The following HMGCL variants were observed in gnomAD, a reference collection of about 807,000 sequenced individuals.
HMGCL encodes the protein 3-hydroxy-3-methylglutaryl-CoA lyase, also known as hydroxymethylglutaryl-CoA lyase, mitochondrial.
A neutral mutation model predicts 37.3 loss-of-function variants in HMGCL; 26 were observed. The ratio of observed to expected loss-of-function variants is 0.70; its 90% CI spans 0.51 to 0.97. The LOEUF (loss-of-function observed/expected upper bound fraction) is 0.97, where lower values mean the gene tolerates loss of function less well. Ranked by LOEUF, HMGCL falls within the 50% of genes least tolerant of loss-of-function variation. The pLI is 0.00. For synonymous variants in HMGCL, 151 were observed against 148.0 expected (o/e 1.02, Z -0.15); for missense variants, 379 against 398.1 (o/e 0.95, Z 0.41).
Position 23,817,504 on chromosome 1 carries a change from C to T in HMGCL, c.224G>A (p.Ser75Asn), listed in dbSNP as rs765840549. The change falls in exon 3 of 9, where the codon AGC becomes AAC. Residue 75 changes from serine to asparagine, a missense_variant. Coordinates refer to ENST00000374490, the MANE Select transcript of HMGCL (RefSeq NM_000191.3). ...EAGLSVIETT[S>N]FVSPKWVPQM... ...GGGAACCCACTTAGGAGACACAAAG[C>T]TGGTGGTTTCTATAACAGAGAGTCC... The T allele has an allele frequency of 6.2e-7, 1 of 1,612,868 alleles. No homozygotes were observed. Among genetic ancestry groups the T allele is most frequent in the South Asian group, 1.1e-5 (1 of 91,066 alleles).
rs193174501 is a variant in HMGCL, at chr1:23,803,263, G to A, written c.877-699C>T. Among the ~76,000 whole-genome samples the A allele has an allele frequency of 2.7e-3, 414 of 150,872 alleles. 2 individuals are homozygous for A. Among genetic ancestry groups the A allele is most frequent in the African/African-American group, 8.8e-3 (361 of 41,060 alleles). On this transcript the variant is annotated intron_variant, in intron 8 of 8. Transcript: ENST00000374490. ...TGTCGCCAGGCTGGAGTACAGTGGC[G>A]TGATCTTGGCTCACTGCAACCTCTG...
intron 6 of HMGCL, chr1:23,810,513 T>G (rs942185814): frequency 1.3e-4 from 68 of 534,176 alleles, no homozygotes; most frequent in Non-Finnish European, 2.1e-4. Flanking sequence ...GTTTTCAGGC[T>G]GGATAGAGGC....
chr1:23,820,666 G>T, intron 1 of HMGCL, 73 bp from the exon 2 acceptor site: 1 of 932,012 alleles, frequency 1.1e-6, no homozygotes, highest in Non-Finnish European at 1.8e-6. Context: ...CAATATGAAA[G>T]AATGGATCTA....
intron 5 of HMGCL, 51 bp from the exon 6 acceptor site, chr1:23,810,850 A>G (rs1453001168): frequency 1.4e-6 from 2 of 1,450,670 alleles, no homozygotes; most frequent in African/African-American, 2.8e-5. Flanking sequence ...CTTTTTGGCT[A>G]GCAGAACTGA....
chr1:23,821,643 A>G (rs1164416238), intron 1 of HMGCL, among the ~76,000 whole-genome samples: 1 of 152,008 alleles, frequency 6.6e-6, no homozygotes, highest in Non-Finnish European at 1.5e-5. Context: ...TGGGCAACAG[A>G]GCGAGACCCT....
Position 23,802,220 on chromosome 1 carries a change from C to T in HMGCL, c.*243G>A, listed in dbSNP as rs1638292512. 5 of 600,566 alleles carry T rather than the reference C, an allele frequency of 8.3e-6. No homozygotes were observed. The highest frequency in any genetic ancestry group is 4.1e-5 in the South Asian group (2 of 48,880). 37.2% of individuals were successfully genotyped at this position (600,566 alleles called of 1,614,324 possible). On this transcript the variant is annotated 3_prime_UTR_variant, in exon 9 of 9. Coordinates refer to ENST00000374490, the MANE Select transcript of HMGCL (RefSeq NM_000191.3). ...GGCATTCAACTCCTGGGCCAGGGTCCGTAACAAAGGGAGACTTCAGCCCTC... is the reference window on the plus strand; with the variant it reads ...GGCATTCAACTCCTGGGCCAGGGTCTGTAACAAAGGGAGACTTCAGCCCTC...
At chr1:23,812,935 G>T (rs1406054971) in intron 5 of HMGCL, among the ~76,000 whole-genome samples, 1 of 152,056 alleles carries the variant, frequency 6.6e-6, no homozygotes, top group Non-Finnish European at 1.5e-5. Context: ...TGTCACCTAG[G>T]CTGGAGTGCA....
chr1:23,813,133 G>A (rs1638550507), intron 5 of HMGCL, among the ~76,000 whole-genome samples: 1 of 149,714 alleles, frequency 6.7e-6, no homozygotes, highest in South Asian at 2.1e-4. Context: ...CAGGTGATCT[G>A]CCCGCCTCGG....
At chr1:23,824,128 G>A (rs985127777) in intron 1 of HMGCL, among the ~76,000 whole-genome samples, 4 of 152,182 alleles carry the variant, frequency 2.6e-5, no homozygotes, top group Non-Finnish European at 5.9e-5. Context: ...CACAAGTACT[G>A]TGCCACAGTG....
At position 23,804,047 on chromosome 1, in the gene HMGCL, A is replaced by G. The variant is rs1638352930; in HGVS notation, c.876+353T>C. ...ATGCCCATGCGTGTGGCCTCACTCA[A>G]CCCTACTCTCACAAACATTAAAATA... On this transcript the variant is annotated intron_variant, in intron 8 of 8. Transcript: ENST00000374490. 1.0e-5 allele frequency: 3 copies of G among 294,360 alleles called. No homozygotes were observed. In the South Asian group the frequency reaches 1.0e-4, roughly 10 times the overall value. 18.2% of individuals were successfully genotyped at this position (294,360 alleles called of 1,614,324 possible).
Position 23,802,556 on chromosome 1 carries a change from A to G in HMGCL, c.885T>C (p.Asn295=). Residue 295 remains asparagine (N), a synonymous_variant, in exon 9 of 9, where the codon AAT becomes AAC. Transcript: ENST00000374490. ...LEGLGIHTGV[N]LQKLLEAGNF... ...TTCCAGCTTCCAGAAGCTTCTGGAGATTCACACCCTTTGAGAAACAAGTTA... is the reference window on the plus strand; with the variant it reads ...TTCCAGCTTCCAGAAGCTTCTGGAGGTTCACACCCTTTGAGAAACAAGTTA... 6.2e-7 allele frequency: 1 copy of G among 1,610,484 alleles called. No individual in the cohort carries two copies.
In HMGCL at chr1:23,802,591, G is replaced by GT. The variant is rs764270055; in HGVS notation, c.877-28dup. The GT allele has an allele frequency of 4.3e-6, 6 of 1,395,464 alleles. No individual in the cohort carries two copies. In the Admixed American group the frequency reaches 1.0e-4, roughly 23 times the overall value. The allele number at this position is 1,395,464 out of a possible 1,614,324, so 86.4% of individuals were successfully genotyped here. On this transcript the variant is annotated intron_variant, in intron 8 of 8. Transcript: ENST00000374490. ...TTTGAGAAACAAGTTAGAGGATGCG[G>GT]TAAGTCATGGTATGCCCTCAACACC...
intron 6 of HMGCL, 68 bp from the exon 7 acceptor site, chr1:23,808,391 A>AG (rs551455690): frequency 2.9e-6 from 4 of 1,371,182 alleles, no homozygotes; most frequent in East Asian, 2.3e-5. Context: ...CACTCAGAAG[A>AG]GGGGGCCTTT....
chr1:23,813,558 A>G (rs1638560540), intron 5 of HMGCL, among the ~76,000 whole-genome samples: 1 of 152,084 alleles, frequency 6.6e-6, no homozygotes, highest in African/African-American at 2.4e-5. Context: ...GTGAGCCACC[A>G]TGCCCGGCCT....
At chr1:23,820,916 C>T (rs545437410) in intron 1 of HMGCL, among the ~76,000 whole-genome samples, 1 of 152,286 alleles carries the variant, frequency 6.6e-6, no homozygotes, top group African/African-American at 2.4e-5. Flanking sequence ...CTCCTAAAGC[C>T]CATCTGACTC....
intron 7 of HMGCL, chr1:23,807,274 T>C (rs774395413): frequency 5.8e-6 from 3 of 517,614 alleles, no homozygotes; most frequent in Non-Finnish European, 1.2e-5. Context: ...CAGGGCAGGG[T>C]ATCACAGTAA....
chr1:23,815,786 C>T (rs569948213), intron 4 of HMGCL, among the ~76,000 whole-genome samples: 28 of 151,884 alleles, frequency 1.8e-4, no homozygotes, highest in Admixed American at 1.4e-3. Context: ...TGAGCCACCG[C>T]GCCCGGCCTG....
intron 1 of HMGCL, among the ~76,000 whole-genome samples, chr1:23,822,271 T>G (rs1305368598): frequency 6.6e-6 from 1 of 152,160 alleles, no homozygotes; most frequent in Non-Finnish European, 1.5e-5. Flanking sequence ...AGTCATAGGC[T>G]GGGTGATGAC....
At chr1:23,813,926 T>G (rs1217110045) in intron 5 of HMGCL, 3 of 496,656 alleles carry the variant, frequency 6.0e-6, no homozygotes, top group Non-Finnish European at 1.1e-5. Flanking sequence ...CAAGCCATCC[T>G]CTGCCTCAGT....
Sources: allele counts gnomAD v4.1 joint callset (sites outside exome capture counted in the v4.1 genomes callset), GRCh38; gene constraint gnomAD v4.1.1; transcripts MANE v1.5; gene names NCBI Gene and HGNC (gene_info 2026-07-23, HGNC 2026-07-21).